GABBR2: variants seen among roughly 807,000 people sequenced by gnomAD.
GABBR2 encodes gamma-aminobutyric acid type B receptor subunit 2.
In GABBR2, 23 loss-of-function variants were observed where a neutral mutation model predicts 105.6. That is an observed-to-expected ratio of 0.22 (90% CI 0.16 to 0.31). The LOEUF (loss-of-function observed/expected upper bound fraction) is 0.31. GABBR2 is among the 10% of genes least tolerant of loss of function. The pLI, the probability that GABBR2 is intolerant of heterozygous loss-of-function variation, is 1.00. For synonymous variants in GABBR2, 478 were observed against 499.7 expected (o/e 0.96, Z 0.58); for missense variants, 734 against 1,245.5 (o/e 0.59, Z 6.18).
At chr9:98,557,516 A>G (rs1032690950) in intron 2 of GABBR2, among the ~76,000 whole-genome samples, 12 of 152,198 alleles carry the variant, frequency 7.9e-5, no homozygotes, top group Non-Finnish European at 1.8e-4. Context: ...ACAGTAAGGT[A>G]TTCAAGAGTG....
intron 8 of GABBR2, among the ~76,000 whole-genome samples, chr9:98,396,398 A>G (rs1180129538): frequency 6.6e-6 from 1 of 152,240 alleles, no homozygotes; most frequent in East Asian, 1.9e-4. Context: ...GCTGGCCCTT[A>G]GAAACATTCA....
At chr9:98,601,480 G>C (rs1829334468) in intron 1 of GABBR2, among the ~76,000 whole-genome samples, 1 of 152,176 alleles carries the variant, frequency 6.6e-6, no homozygotes. Flanking sequence ...AAATGCCACT[G>C]CACTCCAACC....
At chr9:98,522,489 T>C (rs1827886563) in intron 3 of GABBR2, among the ~76,000 whole-genome samples, 1 of 152,142 alleles carries the variant, frequency 6.6e-6, no homozygotes, top group African/African-American at 2.4e-5. Flanking sequence ...TACAGGCGAC[T>C]AAAAAACTTT....
At chr9:98,506,684 G>C (rs1827518710) in intron 3 of GABBR2, among the ~76,000 whole-genome samples, 1 of 152,198 alleles carries the variant, frequency 6.6e-6, no homozygotes. Context: ...GGCAGCTGGA[G>C]TTCCCTGGGG....
intron 8 of GABBR2, among the ~76,000 whole-genome samples, chr9:98,402,155 A>G (rs899680327): frequency 2.0e-5 from 3 of 152,138 alleles, no homozygotes; most frequent in Non-Finnish European, 4.4e-5. Context: ...ATTCCCCGAG[A>G]TTCTTACAAA....
At chr9:98,430,935 T>G (rs1825797780) in intron 7 of GABBR2, among the ~76,000 whole-genome samples, 1 of 146,808 alleles carries the variant, frequency 6.8e-6, no homozygotes, top group African/African-American at 2.6e-5. Flanking sequence ...GTATTTGGAC[T>G]GTTTTTTTTT....
rs560766488 is a variant in GABBR2 at position 98,542,773 on chromosome 9, T to C, written c.460-730A>G. The stretch of plus-strand genomic sequence containing the variant: ...GAGTAAAAAATGTTATTCTGTCTAA[T>C]TTTATAATGATTTATCACCAAATAA... On this transcript the variant is annotated intron_variant, in intron 2 of 18. Transcript: ENST00000259455. Among the ~76,000 whole-genome samples the C allele has an allele frequency of 1.3e-4, 20 of 152,372 alleles. 1 individual carries two copies. The South Asian group carries it at 4.1e-3, about 32-fold the overall frequency.
intron 1 of GABBR2, among the ~76,000 whole-genome samples, chr9:98,693,828 T>C (rs557491676): frequency 5.3e-5 from 8 of 152,336 alleles, no homozygotes; most frequent in Admixed American, 3.3e-4. Flanking sequence ...GTTTTCTCCA[T>C]TGTGGACACA....
chr9:98,484,358 A>G (rs1457827725), intron 4 of GABBR2, among the ~76,000 whole-genome samples: 1 of 152,218 alleles, frequency 6.6e-6, no homozygotes, highest in Non-Finnish European at 1.5e-5. Flanking sequence ...CACAGAACCA[A>G]AATGAAAGCC....
chr9:98,691,298 G>T, intron 1 of GABBR2, among the ~76,000 whole-genome samples: 1 of 152,162 alleles, frequency 6.6e-6, no homozygotes, highest in East Asian at 1.9e-4. Context: ...ACCCTGCAAG[G>T]CAGGTAAACT....
chr9:98,577,228 A>ATGGATGGATGGTTAGGCGAATGGATGGGT (rs769775744), intron 2 of GABBR2, among the ~76,000 whole-genome samples: 1 of 151,128 alleles, frequency 6.6e-6, no homozygotes, highest in Non-Finnish European at 1.5e-5. Context: ...GGATGGATGG[A>ATGGATGGATGGTTAGGCGAATGGATGGGT]GCAAAAAAGT....
At chr9:98,640,462 C>T (rs989871830) in intron 1 of GABBR2, among the ~76,000 whole-genome samples, 1 of 152,114 alleles carries the variant, frequency 6.6e-6, no homozygotes, top group Non-Finnish European at 1.5e-5. Context: ...AATACCCCTT[C>T]CTCCATGAAA....
chr9:98,397,332 T>TTTCA (rs1042932238), intron 8 of GABBR2, among the ~76,000 whole-genome samples: 1 of 152,222 alleles, frequency 6.6e-6, no homozygotes, highest in Admixed American at 6.5e-5. Context: ...AGTTTTATCA[T>TTTCA]TTCATTCATT....
At chr9:98,505,455 TGTGC>T (rs1009024752) in intron 3 of GABBR2, among the ~76,000 whole-genome samples, 1 of 145,594 alleles carries the variant, frequency 6.9e-6, no homozygotes, top group Non-Finnish European at 1.5e-5. Context: ...TGTGTGTGTG[TGTGC>T]ATGTGCGTGT....
chr9:98,306,061 G>T lies in GABBR2; in HGVS notation c.2229+60C>A. ...CCTTTTAGAGAATGGAGAAAAGCCAGCAATGCCCCTGTGCTGGAGTCAGAG... is the reference window on the plus strand; with the variant it reads ...CCTTTTAGAGAATGGAGAAAAGCCATCAATGCCCCTGTGCTGGAGTCAGAG... On this transcript the variant is annotated intron_variant, in intron 15 of 18. Transcript: ENST00000259455. The surrounding 1 kb of genome is among the most constrained non-coding windows in gnomAD (Gnocchi z 5.4). 9.1e-7 allele frequency: 1 copy of T among 1,098,208 alleles called. No individual in the cohort carries two copies. Among genetic ancestry groups the T allele is most frequent in the Non-Finnish European group, 1.4e-6 (1 of 726,846 alleles). 68.0% of individuals were successfully genotyped at this position (1,098,208 alleles called of 1,614,324 possible). A position where few individuals can be genotyped will look rare whatever the true frequency, so the allele number is the denominator to read the frequency against.
In GABBR2 at chr9:98,300,061, T is replaced by C. The variant is rs545067713; in HGVS notation, c.2413-708A>G. On this transcript the variant is annotated intron_variant, in intron 16 of 18. Coordinates refer to ENST00000259455, the MANE Select transcript of GABBR2 (RefSeq NM_005458.8). Reference sequence around the variant, plus strand: ...TTTTTTTTGGTAGAGATGGGGTCTCTCTATGTTCCTCAGGCTGGTCTTGAA... The same window carrying C: ...TTTTTTTTGGTAGAGATGGGGTCTCCCTATGTTCCTCAGGCTGGTCTTGAA... Among the ~76,000 whole-genome samples, 11 of 151,230 alleles carry C rather than the reference T, an allele frequency of 7.3e-5. No individual in the cohort carries two copies. The South Asian group carries it at 1.5e-3, about 20-fold the overall frequency.
At chr9:98,409,300 G>C (rs933631669) in intron 7 of GABBR2, among the ~76,000 whole-genome samples, 5 of 152,234 alleles carry the variant, frequency 3.3e-5, no homozygotes, top group South Asian at 2.1e-4. Flanking sequence ...TTTCAGGTTG[G>C]AGAAGATTGC....
intron 1 of GABBR2, among the ~76,000 whole-genome samples, chr9:98,633,439 G>A (rs2131830232): frequency 6.6e-6 from 1 of 151,930 alleles, no homozygotes; most frequent in Non-Finnish European, 1.5e-5. Flanking sequence ...CCTGGCCAAC[G>A]TGGTGAAACC....
chr9:98,436,877 T>A (rs1825936211), intron 7 of GABBR2, among the ~76,000 whole-genome samples: 1 of 152,124 alleles, frequency 6.6e-6, no homozygotes, highest in Non-Finnish European at 1.5e-5. Flanking sequence ...CTCTGAAACA[T>A]CTCTAGGCTA....
Sources: gnomAD v4.1 joint callset for allele counts (sites outside exome capture counted in the v4.1 genomes callset) on GRCh38, gnomAD v4.1.1 for gene constraint, Gnocchi (gnomAD v3.1) non-coding constraint, MANE v1.5 for transcripts, NCBI Gene and HGNC (gene_info 2026-07-23, HGNC 2026-07-21) for gene names.